The following VIRMA variants were observed in gnomAD, a reference collection of about 807,000 sequenced individuals.
VIRMA encodes vir like m6A methyltransferase associated.
A neutral mutation model predicts 182.4 loss-of-function variants in VIRMA; 65 were observed. The observed-to-expected ratio is 0.36, with a 90% CI of 0.29 to 0.44. The LOEUF (loss-of-function observed/expected upper bound fraction) is 0.44. Ranked by LOEUF, VIRMA falls within the 20% of genes least tolerant of loss-of-function variation. The pLI, the probability that VIRMA is intolerant of heterozygous loss-of-function variation, is 1.00. For synonymous variants in VIRMA, 709 were observed against 743.1 expected (o/e 0.95, Z 0.75); for missense variants, 1,752 against 2,158.1 (o/e 0.81, Z 3.73).
At chr8:94,505,318 A>ACTAT (rs1445482930) in intron 16 of VIRMA, among the ~76,000 whole-genome samples, 2 of 152,208 alleles carry the variant, frequency 1.3e-5, no homozygotes, top group East Asian at 3.8e-4. Flanking sequence ...CCTCCTCCTT[A>ACTAT]CTATCTCATA....
intron 2 of VIRMA, among the ~76,000 whole-genome samples, chr8:94,541,604 C>T (rs556593384): frequency 2.0e-5 from 3 of 151,762 alleles, no homozygotes; most frequent in Non-Finnish European, 2.9e-5. Flanking sequence ...TGCAGTGGTG[C>T]GATCTCAGAT....
intron 16 of VIRMA, among the ~76,000 whole-genome samples, chr8:94,500,671 T>G (rs1288876890): frequency 6.6e-6 from 1 of 150,854 alleles, no homozygotes. Context: ...TTTTTTTTTT[T>G]TTGAGACGGA....
In VIRMA at chr8:94,553,453, C is replaced by T. The variant is rs772551024; in HGVS notation, c.-6G>A. 40 of 1,613,984 alleles carry T rather than the reference C, an allele frequency of 2.5e-5. No individual in the cohort carries two copies. The highest frequency in any genetic ancestry group is 3.2e-5 in the Non-Finnish European group (38 of 1,179,978). The stretch of plus-strand genomic sequence containing the variant: ...ATCGCCGAGTCCACCGCCATGTTTG[C>T]CGCGGGCGGGGAACAGGGGGGAGGA... On this transcript the variant is annotated 5_prime_UTR_variant, in exon 1 of 24. Coordinates refer to ENST00000297591, the MANE Select transcript of VIRMA (RefSeq NM_015496.5).
Position 94,529,218 on chromosome 8 carries a change from T to C in VIRMA, c.732A>G (p.Gln244=), listed in dbSNP as rs752851980. 1.9e-6 allele frequency: 3 copies of C among 1,542,190 alleles called. No homozygotes were observed. The highest frequency in any genetic ancestry group is 1.4e-5 in the African/African-American group (1 of 73,478). Residue 244 remains glutamine, a synonymous_variant, in exon 7 of 24, where the codon CAA becomes CAG. Transcript: ENST00000297591. ...YSDEGEVEEE[Q]QEEGEEDEDD... is the part of the protein sequence containing the mutation. Reference sequence around the variant, plus strand: ...CTTCATCTTCTTCTCCTTCTTCTTGTTGTTCCTCTTCTACTTCTCCTTCAT... The same window carrying C: ...CTTCATCTTCTTCTCCTTCTTCTTGCTGTTCCTCTTCTACTTCTCCTTCAT...
chr8:94,489,906 C>T, intron 23 of VIRMA, 33 bp downstream of exon 23: 1 of 1,603,456 alleles, frequency 6.2e-7, no homozygotes, highest in Non-Finnish European at 8.5e-7. Context: ...TACTTCCCTT[C>T]TCTCAGCAAT....
intron 1 of VIRMA, 116 bp downstream of exon 1, chr8:94,553,269 G>C: frequency 9.6e-7 from 1 of 1,041,578 alleles, no homozygotes; most frequent in Non-Finnish European, 1.5e-6. Flanking sequence ...GTGTCTGTGT[G>C]TAAGCGAGAA....
chr8:94,492,848 T>C (rs1244588288), intron 20 of VIRMA, 30 bp from the exon 21 acceptor site: 1 of 1,529,466 alleles, frequency 6.5e-7, no homozygotes, highest in South Asian at 1.2e-5. Context: ...ACAAAACACA[T>C]ATTAAATGTA....
intron 1 of VIRMA, among the ~76,000 whole-genome samples, chr8:94,549,875 C>T (rs1815911457): frequency 2.0e-5 from 3 of 152,070 alleles, no homozygotes; most frequent in South Asian, 4.1e-4. Context: ...GTGGGAGAAT[C>T]GCTTGAGCTC....
chr8:94,504,032 G>C (rs1488365125), intron 16 of VIRMA, among the ~76,000 whole-genome samples: 1 of 152,008 alleles, frequency 6.6e-6, no homozygotes, highest in Non-Finnish European at 1.5e-5. Flanking sequence ...AAATTAACTG[G>C]GTGTGGTGGT....
rs879286890 is a variant in VIRMA at position 94,506,055 on chromosome 8, C to CTT, written c.4097+444_4097+445insAA. Among the ~76,000 whole-genome samples the CTT allele has an allele frequency of 6.6e-5, 10 of 152,110 alleles. 1 individual carries two copies. In the East Asian group the frequency reaches 1.9e-3, roughly 29 times the overall value. ...CAAGTATACAAGAGAAATACTGTAC[C>CTT]GTTTTATATAATGGACTTGAGCATC... On this transcript the variant is annotated intron_variant, in intron 16 of 23. Transcript: ENST00000297591.
chr8:94,490,740 G>A (rs773441634), intron 22 of VIRMA, among the ~76,000 whole-genome samples: 1 of 151,908 alleles, frequency 6.6e-6, no homozygotes, highest in African/African-American at 2.4e-5. Flanking sequence ...CCAGTTACTC[G>A]GGAGGTTGAA....
At chr8:94,538,481 A>G in intron 2 of VIRMA, 135 bp from the exon 3 acceptor site, 1 of 578,448 alleles carries the variant, frequency 1.7e-6, no homozygotes, top group Non-Finnish European at 3.0e-6. Context: ...TAAATAACAA[A>G]AATATAGTTA....
chr8:94,507,415 A>G (rs375047645), intron 15 of VIRMA, among the ~76,000 whole-genome samples: 135 of 151,174 alleles, frequency 8.9e-4, no homozygotes, highest in African/African-American at 2.7e-3. Context: ...GATTACAGGC[A>G]TGAGCCACTG....
At position 94,511,991 on chromosome 8, in the gene VIRMA, A is replaced by C; in HGVS notation, c.2845+5T>G. On this transcript the variant is annotated splice_donor_5th_base_variant and intron_variant, in intron 12 of 23. Transcript: ENST00000297591. The stretch of plus-strand genomic sequence containing the variant: ...GTAGTTTTTAAAATACAGTAGCCAC[A>C]TTACCTTCAACAGGAGGTGGTGGGC... 6.6e-7 allele frequency: 1 copy of C among 1,505,918 alleles called. No individual in the cohort carries two copies. The highest frequency in any genetic ancestry group is 1.9e-5 in the Admixed American group (1 of 52,124). The allele number at this position is 1,505,918 out of a possible 1,614,324, so 93.3% of individuals were successfully genotyped here.
chr8:94,510,351 T>C, intron 14 of VIRMA, 66 bp downstream of exon 14: 1 of 1,319,706 alleles, frequency 7.6e-7, no homozygotes, highest in Non-Finnish European at 1.1e-6. Context: ...TTCCAAATTG[T>C]AAGGGAAAAA....
intron 14 of VIRMA, 64 bp downstream of exon 14, chr8:94,510,353 A>T: frequency 7.5e-7 from 1 of 1,334,058 alleles, no homozygotes. Flanking sequence ...CCAAATTGTA[A>T]GGGAAAAAAT....
At chr8:94,515,047 T>C (rs1427434550) in intron 10 of VIRMA, 96 bp from the exon 11 acceptor site, 4 of 595,350 alleles carry the variant, frequency 6.7e-6, no homozygotes, top group Non-Finnish European at 1.1e-5. Context: ...ATTAGGTCCA[T>C]GTTGATTTCA....
At chr8:94,548,936 C>A (rs1275428195) in intron 1 of VIRMA, among the ~76,000 whole-genome samples, 1 of 151,334 alleles carries the variant, frequency 6.6e-6, no homozygotes, top group Non-Finnish European at 1.5e-5. Context: ...GTATTACAGG[C>A]ATGAGCCACC....
At chr8:94,501,282 C>G (rs1402014669) in intron 16 of VIRMA, among the ~76,000 whole-genome samples, 2 of 142,314 alleles carry the variant, frequency 1.4e-5, no homozygotes, top group Admixed American at 1.4e-4. Flanking sequence ...AAAAAACAAC[C>G]AATAAGGATA....
Sources: allele counts gnomAD v4.1 joint callset (sites outside exome capture counted in the v4.1 genomes callset), GRCh38; gene constraint gnomAD v4.1.1; transcripts MANE v1.5; gene names NCBI Gene and HGNC (gene_info 2026-07-23, HGNC 2026-07-21).